Variants in ESCO2 observed in about 807,000 individuals in gnomAD.
ESCO2 encodes the protein N-acetyltransferase ESCO2.
Under a neutral mutation model 61.7 loss-of-function variants are expected in ESCO2, and 51 were observed. The observed-to-expected ratio is 0.83, with a 90% CI of 0.66 to 1.04. The LOEUF (loss-of-function observed/expected upper bound fraction) is 1.04. Among genes scored for constraint, ESCO2 ranks in the 50% least tolerant of loss-of-function variants. The pLI, the probability that ESCO2 is intolerant of heterozygous loss-of-function variation, is 0.00. For missense variants in ESCO2, 692 were observed against 686.2 expected (o/e 1.01, Z -0.09); for synonymous variants, 230 against 238.2 (o/e 0.97, Z 0.32).
rs779171100 is a variant in ESCO2, at chr8:27,776,645, AATG to A, written c.342_344del (p.Asp114del). Reference sequence around the variant, plus strand: ...GAGTAGATCTACTTGTCTAAAAACTAATGATGAAGATAAATCTTTTCCCATTGT... The same window carrying A: ...GAGTAGATCTACTTGTCTAAAAACTAATGAAGATAAATCTTTTCCCATTGT... On this transcript the variant is annotated inframe_deletion, in exon 3 of 11. Transcript: ENST00000305188. 6 of 1,613,960 alleles carry A rather than the reference AATG, an allele frequency of 3.7e-6. No homozygotes were observed. Among genetic ancestry groups the A allele is most frequent in the Non-Finnish European group, 5.1e-6 (6 of 1,180,008 alleles).
intron 9 of ESCO2, 136 bp from the exon 10 acceptor site, chr8:27,799,405 T>C (rs911015399): frequency 1.0e-6 from 1 of 954,424 alleles, no homozygotes; most frequent in African/African-American, 1.6e-5. Flanking sequence ...GATAAGAATT[T>C]AAGAAATAGA....
At chr8:27,819,634 T>G in the ESCO2 span, among the ~76,000 whole-genome samples, 1 of 152,134 alleles carries the variant, frequency 6.6e-6, no homozygotes, top group Non-Finnish European at 1.5e-5. Flanking sequence ...TATGGTCAAT[T>G]TTAATAAATA....
chr8:27,797,538 A>G (rs28405176), intron 9 of ESCO2, among the ~76,000 whole-genome samples: 23,458 of 152,122 alleles, frequency 0.15, 2,280 homozygotes, highest in East Asian at 0.37. Context: ...ATTGGCAAAC[A>G]TATTCTATTT....
chr8:27,813,491 C>T (rs190232563), downstream of ESCO2, among the ~76,000 whole-genome samples: 1 of 152,194 alleles, frequency 6.6e-6, no homozygotes, highest in Non-Finnish European at 1.5e-5. Flanking sequence ...TTGACTCCTC[C>T]CCCAAGCTTT....
rs376887269 is a variant in ESCO2, at chr8:27,792,028, T to C, written c.1329T>C (p.His443=). Residue 443 remains histidine (H), a synonymous_variant, in exon 8 of 11, where the codon CAT becomes CAC. Coordinates refer to ENST00000305188, the MANE Select transcript of ESCO2 (RefSeq NM_001017420.3). ...WDGKIVLVLP[H]DPSFAIKKVE... ...GGAAAATCGTGTTGGTTCTGCCACA[T>C]GATCCAAGCTTTGCTATCAAAAAGG... is the stretch of plus-strand genomic sequence containing the variant. The C allele has an allele frequency of 1.4e-5, 22 of 1,614,138 alleles. No individual in the cohort carries two copies. Among genetic ancestry groups the C allele is most frequent in the Non-Finnish European group, 1.9e-5 (22 of 1,179,990 alleles).
downstream of ESCO2, among the ~76,000 whole-genome samples, chr8:27,807,198 G>A (rs1805580775): frequency 6.6e-6 from 1 of 152,006 alleles, no homozygotes; most frequent in African/African-American, 2.4e-5. Flanking sequence ...GCTGATAATA[G>A]GTAAAGTTTT....
At chr8:27,799,465 T>A in intron 9 of ESCO2, 76 bp from the exon 10 acceptor site, 1 of 1,478,926 alleles carries the variant, frequency 6.8e-7, no homozygotes, top group Non-Finnish European at 9.4e-7. Context: ...TTGATACTTA[T>A]TTAAGGAATT....
At chr8:27,795,068 A>G (rs779528486) in intron 9 of ESCO2, among the ~76,000 whole-genome samples, 1 of 152,140 alleles carries the variant, frequency 6.6e-6, no homozygotes, top group Non-Finnish European at 1.5e-5. Flanking sequence ...ATGCCATTAG[A>G]ATTTTGATAG....
chr8:27,816,370 TTTATTTATTTTAA>T (rs1291997139), downstream of ESCO2, among the ~76,000 whole-genome samples: 21 of 109,340 alleles, frequency 1.9e-4, no homozygotes, highest in African/African-American at 5.8e-4. Flanking sequence ...TATTTATTTA[TTTATTTATTTTAA>T]TTTATTTTTT....
downstream of ESCO2, among the ~76,000 whole-genome samples, chr8:27,817,014 G>T (rs1009862674): frequency 5.3e-5 from 8 of 152,034 alleles, no homozygotes; most frequent in Non-Finnish European, 7.4e-5. Context: ...TATTTTTGAA[G>T]TGATCAGAGG....
chr8:27,811,755 A>G (rs1805689067), downstream of ESCO2, among the ~76,000 whole-genome samples: 1 of 152,192 alleles, frequency 6.6e-6, no homozygotes, highest in Admixed American at 6.5e-5. Context: ...TCTTAATAGT[A>G]TTGAGTCTTC....
chr8:27,789,693 A>G, intron 7 of ESCO2, among the ~76,000 whole-genome samples: 1 of 151,586 alleles, frequency 6.6e-6, no homozygotes, highest in African/African-American at 2.4e-5. Flanking sequence ...AGGCAGGAGA[A>G]TCGCCTGAAC....
chr8:27,801,396 C>T (rs1312431643), intron 10 of ESCO2, among the ~76,000 whole-genome samples: 1 of 152,096 alleles, frequency 6.6e-6, no homozygotes, highest in African/African-American at 2.4e-5. Context: ...AAAATAAATG[C>T]CAACACCATT....
At chr8:27,775,409 T>A in intron 1 of ESCO2, 90 bp from the exon 2 acceptor site, 2 of 1,124,076 alleles carry the variant, frequency 1.8e-6, no homozygotes, top group Non-Finnish European at 2.7e-6. Context: ...GGTTTTAACT[T>A]GGTGTGAAAT....
upstream of ESCO2, among the ~76,000 whole-genome samples, chr8:27,773,397 C>T (rs1254189694): frequency 6.6e-6 from 1 of 150,534 alleles, no homozygotes; most frequent in Non-Finnish European, 1.5e-5. Flanking sequence ...TCCTGCCCCC[C>T]TTCTTCGTCT....
downstream of ESCO2, among the ~76,000 whole-genome samples, chr8:27,816,773 T>C (rs992928938): frequency 6.6e-6 from 1 of 152,122 alleles, no homozygotes; most frequent in Admixed American, 6.6e-5. Context: ...TTCATATATG[T>C]AAATACATAT....
chr8:27,776,939 T>C lies in ESCO2; in HGVS notation c.631T>C (p.Phe211Leu), dbSNP rs765067150. 9.9e-6 allele frequency: 16 copies of C among 1,613,116 alleles called. No individual in the cohort carries two copies. The highest frequency in any genetic ancestry group is 1.6e-4 in the Middle Eastern group (1 of 6,084). Reference sequence around the variant, plus strand: ...AGTTACACTCCAGGGTGGAGCAGCATTTTTTGTTAGAAAAAAATCTTCTCT... The same window carrying C: ...AGTTACACTCCAGGGTGGAGCAGCACTTTTTGTTAGAAAAAAATCTTCTCT... Reference protein sequence around the residue: ...PQVTLQGGAAFFVRKKSSLRK... With the variant: ...PQVTLQGGAALFVRKKSSLRK... Residue 211 changes from phenylalanine to leucine, a missense_variant, in exon 3 of 11, where the codon TTT becomes CTT. Transcript: ENST00000305188.
At chr8:27,810,959 T>A, downstream of ESCO2, 2 of 1,547,648 alleles carry the variant, frequency 1.3e-6, no homozygotes, top group Non-Finnish European at 1.8e-6. Flanking sequence ...TATTCATACC[T>A]TCATCATCAT....
At chr8:27,777,229 A>G (rs755605081) in intron 3 of ESCO2, 60 bp downstream of exon 3, 36 of 1,474,040 alleles carry the variant, frequency 2.4e-5, no homozygotes, top group Admixed American at 1.3e-4. Context: ...TATAAATGAC[A>G]TAGTTGAATA....
Sources: gnomAD v4.1 joint callset for allele counts (sites outside exome capture counted in the v4.1 genomes callset) on GRCh38, gnomAD v4.1.1 for gene constraint, MANE v1.5 for transcripts, NCBI Gene and HGNC (gene_info 2026-07-23, HGNC 2026-07-21) for gene names.